Variants in HNRNPL observed in about 807,000 individuals in gnomAD.
The protein encoded by HNRNPL is epididymis secretory sperm binding protein.
A neutral mutation model predicts 64.0 loss-of-function variants in HNRNPL; 12 were observed. That is an observed-to-expected ratio of 0.19 (90% CI 0.12 to 0.30). The LOEUF (loss-of-function observed/expected upper bound fraction) is 0.30, where lower values mean the gene tolerates loss of function less well. HNRNPL is among the 10% of genes least tolerant of loss of function. The pLI, the probability that HNRNPL is intolerant of heterozygous loss-of-function variation, is 1.00. For synonymous variants in HNRNPL, 385 were observed against 313.0 expected, an observed-to-expected ratio of 1.23 and a Z score of -2.43; for missense variants, 484 against 797.4, an observed-to-expected ratio of 0.61 and a Z score of 4.73.
intron 12 of HNRNPL, chr19:38,836,993 C>T: frequency 1.8e-6 from 1 of 551,840 alleles, no homozygotes; most frequent in East Asian, 3.0e-5. Flanking sequence ...AATCCCATTC[C>T]TATCTCCTTC....
intron 8 of HNRNPL, 26 bp from the exon 9 acceptor site, chr19:38,839,041 A>T: frequency 6.2e-7 from 1 of 1,611,766 alleles, no homozygotes; most frequent in Non-Finnish European, 8.5e-7. Flanking sequence ...TGCAGTCAGC[A>T]CCTCTGTCCA....
intron 6 of HNRNPL, 21 bp downstream of exon 6, chr19:38,843,821 C>A: frequency 6.2e-7 from 1 of 1,602,946 alleles, no homozygotes; most frequent in Non-Finnish European, 8.5e-7. Context: ...ATGTTTAGAA[C>A]AAAGTGGTCG....
upstream of HNRNPL, among the ~76,000 whole-genome samples, chr19:38,851,916 G>C (rs1440524559): frequency 6.6e-6 from 1 of 152,132 alleles, no homozygotes; most frequent in Non-Finnish European, 1.5e-5. Flanking sequence ...AACAGAGACG[G>C]GGGCGGGGCC....
chr19:38,850,026 G>A (rs964808988), upstream of HNRNPL: 44 of 1,288,700 alleles, frequency 3.4e-5, no homozygotes, highest in Non-Finnish European at 4.1e-5. Context: ...CCCGTCACCC[G>A]CCGCCCCCAC....
intron 4 of HNRNPL, chr19:38,844,948 T>C (rs1972240889): frequency 6.6e-6 from 1 of 152,096 alleles, no homozygotes; most frequent in Admixed American, 6.6e-5. Context: ...ACCTCAGGTA[T>C]CTGTCCACCT....
rs1362387611 is a variant in HNRNPL at position 38,847,020 on chromosome 19, G to C, written c.386+296C>G. The stretch of plus-strand genomic sequence containing the variant: ...GAGGCAGAAGGACTGCCTGAGCCTG[G>C]GTGAGACTGCACCACTACACTCCAG... On this transcript the variant is annotated intron_variant, in intron 2 of 12. Coordinates refer to ENST00000221419, the MANE Select transcript of HNRNPL (RefSeq NM_001533.3). Among the ~76,000 whole-genome samples the C allele has an allele frequency of 2.0e-5, 3 of 152,206 alleles. No homozygotes were observed. In the East Asian group the frequency reaches 5.8e-4, roughly 29 times the overall value.
rs1292154704 is a variant in HNRNPL, at chr19:38,837,495, G to A, written c.1616-16C>T. 2.5e-6 allele frequency: 4 copies of A among 1,613,866 alleles called. No homozygotes were observed. Among genetic ancestry groups the A allele is most frequent in the Middle Eastern group, 1.6e-4 (1 of 6,062 alleles). ...CTGCGCTCACCTGATTGCAAACCAA[G>A]GGGAAAAGTAAAGGTTTTAGACTCA... On this transcript the variant is annotated splice_polypyrimidine_tract_variant and intron_variant, in intron 11 of 12. Coordinates refer to ENST00000221419, the MANE Select transcript of HNRNPL (RefSeq NM_001533.3).
At chr19:38,843,949 G>A (rs755577550) in intron 5 of HNRNPL, 35 bp from the exon 6 acceptor site, 7 of 1,610,942 alleles carry the variant, frequency 4.3e-6, no homozygotes, top group African/African-American at 1.3e-5. Context: ...CTTGAGGTCA[G>A]CCATGCCCCA....
Position 38,837,662 on chromosome 19 carries a change from A to T in HNRNPL, c.1558-11T>A. 1 of 1,613,938 alleles carries T rather than the reference A, an allele frequency of 6.2e-7. No individual in the cohort carries two copies. The highest frequency in any genetic ancestry group is 8.5e-7 in the Non-Finnish European group (1 of 1,179,794). ...CAGCTCATCGCAGATCTGCAAAAGA[A>T]AACAGGTAGTAAATGAACTCTGAAA... On this transcript the variant is annotated splice_polypyrimidine_tract_variant and intron_variant, in intron 10 of 12. Transcript: ENST00000221419.
At chr19:38,843,511 G>A (rs1431623227) in intron 6 of HNRNPL, 1 of 334,914 alleles carries the variant, frequency 3.0e-6, no homozygotes, top group East Asian at 6.1e-5. Context: ...TGGAGTGAGT[G>A]ACCCTCACCA....
chr19:38,849,642 A>G (rs1972434275), intron 1 of HNRNPL, 58 bp downstream of exon 1: 1 of 1,303,850 alleles, frequency 7.7e-7, no homozygotes, highest in Non-Finnish European at 9.7e-7. Flanking sequence ...AATGCCCTCA[A>G]GCTGGGAAAT....
Position 38,840,114 on chromosome 19 carries a change from T to C in HNRNPL, c.1215A>G (p.Leu405=). 6.2e-7 allele frequency: 1 copy of C among 1,605,962 alleles called. No homozygotes were observed. Among genetic ancestry groups the C allele is most frequent in the Non-Finnish European group, 8.5e-7 (1 of 1,177,748 alleles). The change falls in exon 8 of 13, where the codon TTA becomes TTG. Residue 405 remains leucine (L), a synonymous_variant. Transcript: ENST00000221419. ...NCDRVFNVFC[L]YGNVEKVKFM... is the part of the protein sequence containing the mutation. Reference sequence around the variant, plus strand: ...AGCTCACCTTCTCCACATTGCCATATAAGCAGAAGACATTGAAGACTCGGT... The same window carrying C: ...AGCTCACCTTCTCCACATTGCCATACAAGCAGAAGACATTGAAGACTCGGT...
intron 6 of HNRNPL, chr19:38,841,037 G>C (rs536894804): frequency 5.1e-6 from 1 of 196,922 alleles, no homozygotes; most frequent in African/African-American, 2.4e-5. Context: ...GACTGTCTCT[G>C]TTAGATCCCT....
rs377118943 is a variant in HNRNPL at position 38,844,141 on chromosome 19, CTT to C, written c.711-39_711-38del. 2.8e-5 allele frequency: 38 copies of C among 1,370,674 alleles called. No individual in the cohort carries two copies. In the East Asian group the frequency reaches 4.6e-4, roughly 17 times the overall value. 84.9% of individuals were successfully genotyped at this position (1,370,674 alleles called of 1,614,324 possible). ...TAAGGAAAGTCCCATCACAGGAGAT[CTT>C]TGAGAAGGGCTTCAAGTTACCCCAG... On this transcript the variant is annotated intron_variant, in intron 4 of 12. Transcript: ENST00000221419.
At chr19:38,843,766 G>A (rs1972191537) in intron 6 of HNRNPL, 76 bp downstream of exon 6, 21 of 1,249,854 alleles carry the variant, frequency 1.7e-5, no homozygotes, top group Middle Eastern at 3.9e-4. Flanking sequence ...ATAACCCTGA[G>A]CCCAGGCCTA....
intron 8 of HNRNPL, 87 bp downstream of exon 8, chr19:38,840,009 C>CA: frequency 7.5e-7 from 1 of 1,330,832 alleles, no homozygotes; most frequent in Non-Finnish European, 1.1e-6. Context: ...CCCAGCGCCA[C>CA]ACCAGGCTCC....
At chr19:38,849,593 G>C in intron 1 of HNRNPL, 107 bp downstream of exon 1, 5 of 1,264,212 alleles carry the variant, frequency 4.0e-6, no homozygotes, top group Non-Finnish European at 5.0e-6. Flanking sequence ...ACGACGCGAT[G>C]GCCTGGGCGC....
rs371162344 is a variant in HNRNPL at position 38,841,597 on chromosome 19, C to T, written c.881-1038G>A. ...TGTCCATTTGTCACAAAAAACAAAT[C>T]TGTATTTTCTCTTACCATTGGACGC... On this transcript the variant is annotated intron_variant, in intron 6 of 12. Coordinates refer to ENST00000221419, the MANE Select transcript of HNRNPL (RefSeq NM_001533.3). 2.0e-5 allele frequency: 24 copies of T among 1,188,880 alleles called. No individual in the cohort carries two copies. In the East Asian group the frequency reaches 6.3e-4, roughly 31 times the overall value. The allele number at this position is 1,188,880 out of a possible 1,614,324, so 73.6% of individuals were successfully genotyped here.
upstream of HNRNPL, chr19:38,850,944 C>T (rs951109485): frequency 6.6e-6 from 1 of 152,302 alleles, no homozygotes; most frequent in African/African-American, 2.4e-5. Context: ...CAATAGTCCA[C>T]TACCCCTCCT....
Sources: allele counts gnomAD v4.1 joint callset (sites outside exome capture counted in the v4.1 genomes callset), GRCh38; gene constraint gnomAD v4.1.1; transcripts MANE v1.5; gene names NCBI Gene and HGNC (gene_info 2026-07-23, HGNC 2026-07-21).